KIAA1328: variants seen among roughly 807,000 people sequenced by gnomAD.
KIAA1328 encodes KIAA1328, also known as protein hinderin.
Under a neutral mutation model 68.1 loss-of-function variants are expected in KIAA1328, and 52 were observed. The observed-to-expected ratio is 0.76, with a 90% confidence interval of 0.61 to 0.96. The LOEUF (loss-of-function observed/expected upper bound fraction) is 0.96. Among genes scored for constraint, KIAA1328 ranks in the 40% least tolerant of loss-of-function variants. The pLI is 0.00. For missense variants in KIAA1328, 641 were observed against 677.6 expected, an observed-to-expected ratio of 0.95 and a Z score of 0.60; for synonymous variants, 232 against 239.4, an observed-to-expected ratio of 0.97 and a Z score of 0.28.
intron 6 of KIAA1328, among the ~76,000 whole-genome samples, chr18:37,000,883 A>T (rs1455224333): frequency 6.6e-6 from 1 of 152,120 alleles, no homozygotes; most frequent in African/African-American, 2.4e-5. Flanking sequence ...TGTAGGATAC[A>T]GCAAAAGCAG....
chr18:37,110,767 G>A (rs2057908087), intron 7 of KIAA1328, among the ~76,000 whole-genome samples: 1 of 152,192 alleles, frequency 6.6e-6, no homozygotes, highest in African/African-American at 2.4e-5. Context: ...TTTATAAAGT[G>A]TCTGAGAACA....
chr18:36,987,854 AAAG>A (rs2053007726), intron 6 of KIAA1328, among the ~76,000 whole-genome samples: 1 of 152,098 alleles, frequency 6.6e-6, no homozygotes, highest in African/African-American at 2.4e-5. Flanking sequence ...TTTTAAAAAA[AAAG>A]AACTGCATAT....
At chr18:37,229,351 G>A (rs1246106338), downstream of KIAA1328, among the ~76,000 whole-genome samples, 1 of 152,116 alleles carries the variant, frequency 6.6e-6, no homozygotes, top group East Asian at 1.9e-4. Context: ...CCCATTATAT[G>A]GGTTATTCTT....
intron 6 of KIAA1328, among the ~76,000 whole-genome samples, chr18:37,030,815 A>C (rs1297388486): frequency 3.9e-5 from 6 of 152,020 alleles, no homozygotes; most frequent in Non-Finnish European, 7.4e-5. Context: ...TATTTCCCCT[A>C]ATGCTATCCC....
At chr18:37,177,892 C>A (rs534277048) in intron 9 of KIAA1328, among the ~76,000 whole-genome samples, 7 of 152,028 alleles carry the variant, frequency 4.6e-5, no homozygotes, top group Non-Finnish European at 1.0e-4. Flanking sequence ...TGTTCCAATA[C>A]ATGTATATAT....
At chr18:36,830,178 T>G (rs2046420886) in intron 1 of KIAA1328, among the ~76,000 whole-genome samples, 1 of 152,196 alleles carries the variant, frequency 6.6e-6, no homozygotes, top group African/African-American at 2.4e-5. Context: ...CTTACAAAAC[T>G]GTGTTATCAA....
chr18:37,028,151 A>C (rs1034820369), intron 6 of KIAA1328, among the ~76,000 whole-genome samples: 3 of 152,220 alleles, frequency 2.0e-5, no homozygotes, highest in African/African-American at 7.2e-5. Context: ...ACGTGAGAAC[A>C]TGTGGTATTT....
intron 5 of KIAA1328, among the ~76,000 whole-genome samples, chr18:36,898,659 G>A (rs2048939388): frequency 6.6e-6 from 1 of 151,992 alleles, no homozygotes; most frequent in Non-Finnish European, 1.5e-5. Context: ...GGCTGGTATA[G>A]TGACGCCGCA....
chr18:37,179,837 A>G (rs2059664529), intron 9 of KIAA1328, among the ~76,000 whole-genome samples: 1 of 152,138 alleles, frequency 6.6e-6, no homozygotes, highest in South Asian at 2.1e-4. Context: ...TTGCTGGGCC[A>G]CAAAGAGGAT....
chr18:36,887,711 A>G (rs1259849689), intron 5 of KIAA1328, among the ~76,000 whole-genome samples: 1 of 152,218 alleles, frequency 6.6e-6, no homozygotes, highest in Non-Finnish European at 1.5e-5. Flanking sequence ...CAAGTTATGT[A>G]GTAGAAGGCA....
intron 7 of KIAA1328, among the ~76,000 whole-genome samples, chr18:37,101,597 G>C (rs2057619750): frequency 6.6e-6 from 1 of 152,158 alleles, no homozygotes; most frequent in African/African-American, 2.4e-5. Flanking sequence ...CACTCTGCAG[G>C]ATATTATCCA....
At chr18:36,999,737 A>C (rs932159309) in intron 6 of KIAA1328, among the ~76,000 whole-genome samples, 4 of 152,216 alleles carry the variant, frequency 2.6e-5, no homozygotes, top group African/African-American at 9.6e-5. Flanking sequence ...TGCTAGAACT[A>C]GACCAGACCT....
chr18:37,112,291 T>G (rs1030565427), intron 7 of KIAA1328, among the ~76,000 whole-genome samples: 5 of 152,176 alleles, frequency 3.3e-5, no homozygotes, highest in African/African-American at 1.2e-4. Context: ...CGACTGATAC[T>G]TCATACAGTC....
intron 5 of KIAA1328, among the ~76,000 whole-genome samples, chr18:36,928,570 G>T (rs75123306): frequency 1.3e-5 from 2 of 152,092 alleles, no homozygotes; most frequent in Non-Finnish European, 2.9e-5. Context: ...CATTGGGGGG[G>T]ATACACTTTT....
intron 1 of KIAA1328, 97 bp from the exon 2 acceptor site, chr18:36,834,223 C>A: frequency 7.9e-7 from 1 of 1,272,454 alleles, no homozygotes; most frequent in Non-Finnish European, 1.0e-6. Context: ...ATTCCCAGGT[C>A]AAAAGAAATT....
chr18:37,098,104 T>C (rs323315), intron 7 of KIAA1328, among the ~76,000 whole-genome samples: 60,299 of 151,390 alleles, frequency 0.4, 13,609 homozygotes, highest in African/African-American at 0.61. Flanking sequence ...GAACTTCCAA[T>C]ACTATGTTGA....
chr18:37,201,506 A>G (rs887858881), intron 9 of KIAA1328, among the ~76,000 whole-genome samples: 1 of 152,106 alleles, frequency 6.6e-6, no homozygotes, highest in African/African-American at 2.4e-5. Flanking sequence ...TTTTTTACCA[A>G]AGAGAAGTCA....
intron 7 of KIAA1328, among the ~76,000 whole-genome samples, chr18:37,154,524 G>A (rs897639379): frequency 5.3e-5 from 8 of 151,960 alleles, no homozygotes; most frequent in Admixed American, 1.3e-4. Flanking sequence ...GGACCTTGAC[G>A]TCCCACTTAA....
intron 7 of KIAA1328, among the ~76,000 whole-genome samples, chr18:37,096,183 C>A (rs567372605): frequency 2.0e-5 from 3 of 152,084 alleles, no homozygotes; most frequent in Non-Finnish European, 4.4e-5. Flanking sequence ...CCCATTAACT[C>A]GTCACTTAAC....
Sources: allele counts gnomAD v4.1 joint callset (sites outside exome capture counted in the v4.1 genomes callset), GRCh38; gene constraint gnomAD v4.1.1; transcripts MANE v1.5; gene names NCBI Gene and HGNC (gene_info 2026-07-23, HGNC 2026-07-21).